Variants in ANKRD44 observed in about 807,000 individuals in gnomAD.
ANKRD44 encodes serine/threonine-protein phosphatase 6 regulatory ankyrin repeat subunit B.
In ANKRD44, 35 loss-of-function variants were observed where a neutral mutation model predicts 116.0. The observed-to-expected ratio is 0.30, with a 90% CI of 0.23 to 0.40. ANKRD44 has a LOEUF of 0.40. ANKRD44 is among the 10% of genes least tolerant of loss of function. The probability of loss-of-function intolerance (pLI) is 1.00; values close to 1 mark genes in which losing one functional copy is unlikely to be tolerated. For synonymous variants in ANKRD44, 435 were observed against 461.8 expected (o/e 0.94, Z 0.74); for missense variants, 1,014 against 1,242.6 (o/e 0.82, Z 2.77).
At chr2:197,050,451 C>T (rs1326690029) in intron 16 of ANKRD44, among the ~76,000 whole-genome samples, 1 of 151,270 alleles carries the variant, frequency 6.6e-6, no homozygotes, top group East Asian at 1.9e-4. Flanking sequence ...GAGGCAGAGT[C>T]TCATTCTGCC....
At chr2:197,063,875 C>G (rs2077373871) in intron 16 of ANKRD44, among the ~76,000 whole-genome samples, 1 of 152,130 alleles carries the variant, frequency 6.6e-6, no homozygotes, top group Admixed American at 6.5e-5. Context: ...TTGGAAAACA[C>G]TGCAGGATAT....
chr2:197,005,550 A>C, intron 21 of ANKRD44, 144 bp downstream of exon 21: 2 of 784,574 alleles, frequency 2.5e-6, no homozygotes, highest in Non-Finnish European at 4.1e-6. Flanking sequence ...AAAAACAAAC[A>C]AAATACACAA....
chr2:197,272,918 C>T (rs1180778007), intron 1 of ANKRD44, among the ~76,000 whole-genome samples: 1 of 152,182 alleles, frequency 6.6e-6, no homozygotes, highest in Admixed American at 6.5e-5. Flanking sequence ...AAAAAATAAA[C>T]TAACTTTAAT....
At chr2:197,146,578 A>G (rs1272140216) in intron 3 of ANKRD44, among the ~76,000 whole-genome samples, 1 of 150,416 alleles carries the variant, frequency 6.6e-6, no homozygotes, top group Non-Finnish European at 1.5e-5. Context: ...GAGAGAGTAT[A>G]TAGTGTATAC....
Position 197,121,464 on chromosome 2 carries a change from C to G in ANKRD44, c.774G>C (p.Leu258Phe), listed in dbSNP as rs1357452310. 2 of 1,614,088 alleles carry G rather than the reference C, an allele frequency of 1.2e-6. No homozygotes were observed. The highest frequency in any genetic ancestry group is 1.7e-6 in the Non-Finnish European group (2 of 1,180,042). The change falls in exon 8 of 28, where the codon TTG (leucine) becomes TTC (phenylalanine). Residue 258 changes from leucine to phenylalanine, a missense_variant. Coordinates refer to ENST00000282272, the MANE Select transcript of ANKRD44 (RefSeq NM_001195144.2). The stretch of plus-strand genomic sequence containing the variant: ...GGTTCACGTTAGCACCGTAGTCAAT[C>G]AACTCGTTAACCACAGCATCCTGTC... ...YNGQDAVVNE[L>F]IDYGANVNQP...
chr2:196,982,108 T>TTTTATATACATATATATATATA (rs150861089), downstream of ANKRD44, among the ~76,000 whole-genome samples: 1 of 96,550 alleles, frequency 1.0e-5, no homozygotes. Flanking sequence ...CTAAAAAAAA[T>TTTTATATACATATATATATATA]TATATATATA....
intron 16 of ANKRD44, among the ~76,000 whole-genome samples, chr2:197,071,317 G>C (rs2077554233): frequency 6.6e-6 from 1 of 152,094 alleles, no homozygotes. Context: ...CCTCTTTTCT[G>C]ATGTAACCAT....
At chr2:196,989,901 G>T (rs2075888905) in intron 27 of ANKRD44, 13 of 1,174,040 alleles carry the variant, frequency 1.1e-5, no homozygotes, top group African/African-American at 1.6e-5. Context: ...AATTAACAAA[G>T]GGTAGTTTCA....
chr2:197,048,638 C>T lies in ANKRD44; in HGVS notation c.1651-23371G>A, dbSNP rs191733786. ...AAGTCTTTGCTATTGTGAATAGTGC[C>T]GCAATAAACATACACGTGCATGTGT... On this transcript the variant is annotated intron_variant, in intron 16 of 27. Coordinates refer to ENST00000282272, the MANE Select transcript of ANKRD44 (RefSeq NM_001195144.2). Among the ~76,000 whole-genome samples the T allele has an allele frequency of 4.4e-3, 674 of 152,188 alleles. 2 individuals carry two copies. Among genetic ancestry groups the T allele is most frequent in the Non-Finnish European group, 7.5e-3 (509 of 68,014 alleles).
At position 196,987,290 on chromosome 2, in the gene ANKRD44, G is replaced by GA; in HGVS notation, c.*2300dup. The GA allele has an allele frequency of 1.0e-6, 1 of 984,844 alleles. No homozygotes were observed. 61.0% of individuals were successfully genotyped at this position (984,844 alleles called of 1,614,324 possible). A position where few individuals can be genotyped will look rare whatever the true frequency, so the allele number is the denominator to read the frequency against. On this transcript the variant is annotated 3_prime_UTR_variant, in exon 28 of 28. Transcript: ENST00000282272. ...TCAATGCAAGTACAAGGGGAAATAG[G>GA]AAAAAAGACACTTTATACATTCAAA...
At chr2:197,039,680 C>CGT (rs10535447) in intron 16 of ANKRD44, among the ~76,000 whole-genome samples, 194 of 141,558 alleles carry the variant, frequency 1.4e-3, no homozygotes, top group African/African-American at 3.8e-3. Context: ...TGTGTGTGTG[C>CGT]GTGTGTGTGT....
chr2:197,146,389 A>AAGTATAAC (rs2079503084), intron 3 of ANKRD44, among the ~76,000 whole-genome samples: 1 of 152,152 alleles, frequency 6.6e-6, no homozygotes, highest in African/African-American at 2.4e-5. Flanking sequence ...ATGTATCCAT[A>AAGTATAAC]AGTATAACAG....
intron 2 of ANKRD44, among the ~76,000 whole-genome samples, chr2:197,161,388 A>C (rs544087356): frequency 6.6e-6 from 1 of 152,214 alleles, no homozygotes; most frequent in African/African-American, 2.4e-5. Flanking sequence ...TAAAGGGAAA[A>C]ATTTAAAGTT....
At chr2:197,133,242 A>G (rs991716642) in intron 4 of ANKRD44, among the ~76,000 whole-genome samples, 1 of 152,110 alleles carries the variant, frequency 6.6e-6, no homozygotes, top group African/African-American at 2.4e-5. Flanking sequence ...TCTGCAAGTC[A>G]CCCATGTCCA....
chr2:196,981,606 T>C (rs1035204134), intron 21 of ANKRD44, among the ~76,000 whole-genome samples: 1 of 151,810 alleles, frequency 6.6e-6, no homozygotes, highest in African/African-American at 2.4e-5. Context: ...CAAAACCCCA[T>C]CTCTACTAAA....
At chr2:197,019,748 C>A (rs936492112) in intron 17 of ANKRD44, among the ~76,000 whole-genome samples, 1 of 151,838 alleles carries the variant, frequency 6.6e-6, no homozygotes, top group Non-Finnish European at 1.5e-5. Context: ...ATACCTTTCA[C>A]GCAGTTTGAG....
At chr2:197,147,599 T>C (rs2079537559) in intron 2 of ANKRD44, among the ~76,000 whole-genome samples, 1 of 152,126 alleles carries the variant, frequency 6.6e-6, no homozygotes, top group Admixed American at 6.6e-5. Context: ...TTTGGACCAC[T>C]GCCCATTCAT....
At chr2:197,284,885 CA>C (rs11367623) in intron 1 of ANKRD44, among the ~76,000 whole-genome samples, 76,602 of 142,020 alleles carry the variant, frequency 0.54, 21,646 homozygotes, top group East Asian at 0.69. Flanking sequence ...GACTCCATCT[CA>C]AAAAAAAAAA....
chr2:197,023,094 G>T (rs933068784), intron 17 of ANKRD44, among the ~76,000 whole-genome samples: 1 of 152,222 alleles, frequency 6.6e-6, no homozygotes, highest in African/African-American at 2.4e-5. Context: ...TGTTAATAAT[G>T]ATGTTATATG....
Sources: gnomAD v4.1 joint callset for allele counts (sites outside exome capture counted in the v4.1 genomes callset) on GRCh38, gnomAD v4.1.1 for gene constraint, MANE v1.5 for transcripts, NCBI Gene and HGNC (gene_info 2026-07-23, HGNC 2026-07-21) for gene names.